Variants in CSMD1 observed in about 807,000 individuals in gnomAD.
CSMD1 encodes CUB and Sushi multiple domains 1.
CSMD1 carries 213 observed loss-of-function variants against 417.5 expected under a neutral mutation model. The observed-to-expected ratio is 0.51, with a 90% CI of 0.46 to 0.57. CSMD1 has a LOEUF of 0.57. CSMD1 is among the 20% of genes least tolerant of loss of function. The pLI, the probability that CSMD1 is intolerant of heterozygous loss-of-function variation, is 0.00. For synonymous variants in CSMD1, 2,862 were observed against 1,736.8 expected (o/e 1.65, Z -16.11); for missense variants, 6,923 against 4,529.7 (o/e 1.53, Z -15.17).
intron 7 of CSMD1, among the ~76,000 whole-genome samples, chr8:3,628,348 G>A (rs1043635100): frequency 9.2e-5 from 14 of 152,174 alleles, no homozygotes; most frequent in Non-Finnish European, 1.8e-4. Flanking sequence ...CACCGGCCGA[G>A]GGTGACCTCA....
At chr8:3,382,402 TTATATAA>T (rs1418939474) in intron 18 of CSMD1, among the ~76,000 whole-genome samples, 2 of 144,452 alleles carry the variant, frequency 1.4e-5, no homozygotes, top group African/African-American at 2.5e-5. Flanking sequence ...ATATATGTTA[TTATATAA>T]TATATAACAC....
intron 46 of CSMD1, among the ~76,000 whole-genome samples, chr8:3,098,753 G>C (rs1413679357): frequency 6.6e-6 from 1 of 152,134 alleles, no homozygotes; most frequent in Admixed American, 6.5e-5. Context: ...GTGCAGGCTA[G>C]GACCTCAAGT....
At chr8:3,486,715 C>T (rs959967948) in intron 11 of CSMD1, among the ~76,000 whole-genome samples, 1 of 152,216 alleles carries the variant, frequency 6.6e-6, no homozygotes, top group Non-Finnish European at 1.5e-5. Context: ...TTCTTCTTCC[C>T]TGTAGGAAGG....
At chr8:3,927,493 C>A (rs935781206) in intron 5 of CSMD1, among the ~76,000 whole-genome samples, 6 of 151,736 alleles carry the variant, frequency 4.0e-5, no homozygotes, top group African/African-American at 1.2e-4. Context: ...GGTGAGACCC[C>A]ATCTCTACTA....
chr8:4,612,527 C>G (rs1239534040), intron 2 of CSMD1, among the ~76,000 whole-genome samples: 1 of 152,138 alleles, frequency 6.6e-6, no homozygotes, highest in Non-Finnish European at 1.5e-5. Flanking sequence ...ATATTTGGTG[C>G]ATTTTAAGCT....
At chr8:4,581,628 G>A (rs1324481681) in intron 2 of CSMD1, among the ~76,000 whole-genome samples, 7 of 152,300 alleles carry the variant, frequency 4.6e-5, no homozygotes, top group Admixed American at 4.6e-4. Context: ...ATTCCTCAGT[G>A]TTAAAAGAAA....
At chr8:3,479,680 A>G (rs180960947) in intron 11 of CSMD1, among the ~76,000 whole-genome samples, 1 of 152,336 alleles carries the variant, frequency 6.6e-6, no homozygotes, top group Admixed American at 6.5e-5. Flanking sequence ...GTACCTAGCA[A>G]TACCTAACAT....
intron 20 of CSMD1, among the ~76,000 whole-genome samples, chr8:3,360,739 T>C (rs1395456702): frequency 6.6e-6 from 1 of 152,224 alleles, no homozygotes; most frequent in Non-Finnish European, 1.5e-5. Context: ...TTCTACTTTT[T>C]TCTAACACCA....
intron 10 of CSMD1, among the ~76,000 whole-genome samples, chr8:3,544,236 A>C (rs559926187): frequency 1.4e-4 from 22 of 152,278 alleles, no homozygotes; most frequent in South Asian, 1.0e-3. Flanking sequence ...CCCAAAATTA[A>C]AAGTGCCCCG....
chr8:2,987,503 T>C (rs1806024400), intron 54 of CSMD1, among the ~76,000 whole-genome samples: 1 of 151,350 alleles, frequency 6.6e-6, no homozygotes, highest in African/African-American at 2.4e-5. Context: ...AAATCTACAA[T>C]ACCTTTTCTA....
At chr8:4,415,925 A>T (rs1300520567) in intron 3 of CSMD1, among the ~76,000 whole-genome samples, 1 of 152,220 alleles carries the variant, frequency 6.6e-6, no homozygotes, top group African/African-American at 2.4e-5. Context: ...ACATGTGGAT[A>T]ATTTCTGCTT....
intron 1 of CSMD1, among the ~76,000 whole-genome samples, chr8:4,646,730 G>A (rs557192653): frequency 6.6e-6 from 1 of 152,136 alleles, no homozygotes; most frequent in East Asian, 1.9e-4. Flanking sequence ...AAGAGAAATT[G>A]AAATGTTAAA....
chr8:3,535,906 G>A (rs1253076094), intron 10 of CSMD1, among the ~76,000 whole-genome samples: 1 of 152,102 alleles, frequency 6.6e-6, no homozygotes, highest in African/African-American at 2.4e-5. Context: ...TCCCCCTCCT[G>A]GTGGATGCTG....
chr8:3,737,743 C>T (rs1406704583), intron 6 of CSMD1, among the ~76,000 whole-genome samples: 1 of 152,170 alleles, frequency 6.6e-6, no homozygotes, highest in East Asian at 1.9e-4. Context: ...ATTAAAGATT[C>T]TCTGACCACA....
At chr8:2,964,617 AT>A (rs1212521955) in intron 59 of CSMD1, among the ~76,000 whole-genome samples, 1 of 152,206 alleles carries the variant, frequency 6.6e-6, no homozygotes, top group East Asian at 1.9e-4. Context: ...TTTATTGGCA[AT>A]TTCCATCATG....
chr8:3,995,027 C>A (rs139631586), intron 5 of CSMD1, among the ~76,000 whole-genome samples: 1 of 152,094 alleles, frequency 6.6e-6, no homozygotes, highest in Non-Finnish European at 1.5e-5. Context: ...CAATGCTCCC[C>A]GTCCCTGTCT....
intron 1 of CSMD1, among the ~76,000 whole-genome samples, chr8:4,765,946 C>T (rs28619361): frequency 1.3e-5 from 2 of 152,106 alleles, no homozygotes; most frequent in Non-Finnish European, 2.9e-5. Context: ...TAGCTAATTC[C>T]ACATAGTTTC....
chr8:3,996,949 C>A (rs1171360728), intron 5 of CSMD1, among the ~76,000 whole-genome samples: 2 of 152,154 alleles, frequency 1.3e-5, no homozygotes, highest in Admixed American at 1.3e-4. Flanking sequence ...TGGTAGCCTT[C>A]ATACTAAAAT....
intron 3 of CSMD1, among the ~76,000 whole-genome samples, chr8:4,109,773 T>G (rs912978996): frequency 1.2e-4 from 18 of 152,170 alleles, no homozygotes; most frequent in African/African-American, 4.3e-4. Context: ...ACAGTTTGAT[T>G]TCTGTGGTCA....
Sources: gnomAD v4.1 joint callset for allele counts (sites outside exome capture counted in the v4.1 genomes callset) on GRCh38, gnomAD v4.1.1 for gene constraint, MANE v1.5 for transcripts, NCBI Gene and HGNC (gene_info 2026-07-23, HGNC 2026-07-21) for gene names.